PPP2R2B: variants seen among roughly 807,000 people sequenced by gnomAD.
The protein encoded by PPP2R2B is serine/threonine-protein phosphatase 2A 55 kDa regulatory subunit B beta isoform.
In PPP2R2B, 5 loss-of-function variants were observed where a neutral mutation model predicts 46.0. The ratio of observed to expected loss-of-function variants is 0.11; its 90% CI spans 0.06 to 0.23. The LOEUF (loss-of-function observed/expected upper bound fraction) is 0.23. PPP2R2B is among the 10% of genes least tolerant of loss of function. The pLI, the probability that PPP2R2B is intolerant of heterozygous loss-of-function variation, is 1.00. For missense variants in PPP2R2B, 367 were observed against 575.0 expected (o/e 0.64, Z 3.70); for synonymous variants, 215 against 206.7 (o/e 1.04, Z -0.34).
chr5:146,600,334 A>C lies in PPP2R2B; in HGVS notation c.917T>G (p.Val306Gly). The change falls in exon 8 of 10, where the codon GTC (valine) becomes GGC (glycine). Residue 306 changes from valine to glycine, a missense_variant. Coordinates refer to ENST00000394411, the MANE Select transcript of PPP2R2B (RefSeq NM_181675.4). The stretch of plus-strand genomic sequence containing the variant: ...GCGGTTTTCCATGTTGAGATCCCAG[A>C]CTTTGACGGTCAAGTAGTCCCTGGT... ...IMTRDYLTVK[V>G]WDLNMENRPI... 1 of 1,613,820 alleles carries C rather than the reference A, an allele frequency of 6.2e-7. No individual in the cohort carries two copies. Among genetic ancestry groups the C allele is most frequent in the Non-Finnish European group, 8.5e-7 (1 of 1,179,876 alleles).
Position 146,777,895 on chromosome 5 carries a change from G to A in PPP2R2B, c.71-76753C>T, listed in dbSNP as rs116057818. Among the ~76,000 whole-genome samples the A allele has an allele frequency of 7.1e-3, 1,079 of 152,256 alleles. 19 individuals are homozygous for A. Among genetic ancestry groups the A allele is most frequent in the African/African-American group, 0.025 (1,020 of 41,558 alleles). On this transcript the variant is annotated intron_variant, in intron 2 of 9. Transcript: ENST00000394411. ...TCTATAAATGTTTAAAAAGATGAATGCACTGTTACGAGGGAGTAAAATTCC... is the reference window on the plus strand; with the variant it reads ...TCTATAAATGTTTAAAAAGATGAATACACTGTTACGAGGGAGTAAAATTCC...
chr5:146,756,369 T>A (rs1753830377), intron 2 of PPP2R2B, among the ~76,000 whole-genome samples: 1 of 152,194 alleles, frequency 6.6e-6, no homozygotes, highest in Non-Finnish European at 1.5e-5. Context: ...TCCTTTCATA[T>A]GGACACACTA....
At chr5:146,883,323 G>A (rs1274606892), upstream of PPP2R2B, among the ~76,000 whole-genome samples, 1 of 152,202 alleles carries the variant, frequency 6.6e-6, no homozygotes, top group African/African-American at 2.4e-5. Flanking sequence ...TCACTAAAAT[G>A]ACCCTTCTTC....
At chr5:147,059,693 G>A (rs759717456), upstream of PPP2R2B, among the ~76,000 whole-genome samples, 15 of 152,200 alleles carry the variant, frequency 9.9e-5, no homozygotes, top group Non-Finnish European at 1.9e-4. Context: ...CCGCATGTCA[G>A]GTTCTGACAG....
intron 2 of PPP2R2B, among the ~76,000 whole-genome samples, chr5:146,836,242 T>G (rs546214181): frequency 1.3e-5 from 2 of 152,162 alleles, no homozygotes; most frequent in Non-Finnish European, 2.9e-5. Flanking sequence ...AAAAAAATTC[T>G]ACCTCACTCC....
intron 1 of PPP2R2B, among the ~76,000 whole-genome samples, chr5:146,953,984 G>A (rs1009142071): frequency 2.0e-5 from 3 of 152,086 alleles, no homozygotes; most frequent in Non-Finnish European, 2.9e-5. Flanking sequence ...TTCTAAATTG[G>A]GATATGAATA....
intron 2 of PPP2R2B, among the ~76,000 whole-genome samples, chr5:146,820,948 C>A (rs1305262972): frequency 6.6e-6 from 1 of 152,160 alleles, no homozygotes; most frequent in Non-Finnish European, 1.5e-5. Context: ...GCCCTCTGCA[C>A]TGCGCTAGTC....
At chr5:146,900,423 G>A (rs1330325530) in intron 1 of PPP2R2B, among the ~76,000 whole-genome samples, 3 of 152,104 alleles carry the variant, frequency 2.0e-5, no homozygotes, top group African/African-American at 7.2e-5. Flanking sequence ...ATATGTAAAG[G>A]AACATTATGT....
At chr5:146,713,497 G>A (rs1006752466) in intron 2 of PPP2R2B, among the ~76,000 whole-genome samples, 1 of 152,192 alleles carries the variant, frequency 6.6e-6, no homozygotes, top group African/African-American at 2.4e-5. Context: ...AGGGATAGCT[G>A]TTGGAAGGAT....
At chr5:146,733,397 C>G (rs1752347062) in intron 2 of PPP2R2B, among the ~76,000 whole-genome samples, 1 of 152,014 alleles carries the variant, frequency 6.6e-6, no homozygotes, top group Admixed American at 6.6e-5. Context: ...AGCAGATACC[C>G]CAACAGAACT....
At chr5:146,806,648 T>C (rs1400241497) in intron 2 of PPP2R2B, among the ~76,000 whole-genome samples, 3 of 152,176 alleles carry the variant, frequency 2.0e-5, no homozygotes, top group Non-Finnish European at 2.9e-5. Flanking sequence ...TGCTGTGATA[T>C]AATGGAAGGT....
At chr5:146,953,829 T>C (rs894808184) in intron 1 of PPP2R2B, among the ~76,000 whole-genome samples, 31 of 152,302 alleles carry the variant, frequency 2.0e-4, no homozygotes, top group African/African-American at 5.8e-4. Context: ...CAAACTCCTA[T>C]GTAAGAATGC....
intron 2 of PPP2R2B, among the ~76,000 whole-genome samples, chr5:146,824,789 C>T (rs537598074): frequency 2.7e-5 from 4 of 150,290 alleles, no homozygotes; most frequent in African/African-American, 7.4e-5. Context: ...GCAATCTCGG[C>T]TCACTGTAAC....
chr5:146,878,934 C>G, upstream of PPP2R2B: 1 of 1,137,698 alleles, frequency 8.8e-7, no homozygotes, highest in Non-Finnish European at 1.1e-6. This position sits in a 1 kb window ranked among gnomAD's most constrained non-coding sequence, Gnocchi z 4.5. Flanking sequence ...GACTAGCTTG[C>G]AGGTTCAGGT....
At chr5:146,628,774 T>C (rs1774228712) in intron 7 of PPP2R2B, among the ~76,000 whole-genome samples, 1 of 152,218 alleles carries the variant, frequency 6.6e-6, no homozygotes, top group African/African-American at 2.4e-5. Flanking sequence ...TTAAAGTAAC[T>C]AATTAATGGA....
At chr5:146,681,120 C>T (rs1002905826) in intron 5 of PPP2R2B, among the ~76,000 whole-genome samples, 2 of 152,128 alleles carry the variant, frequency 1.3e-5, no homozygotes, top group African/African-American at 4.8e-5. Context: ...TGATCATGTC[C>T]TCTATTGAGT....
chr5:147,035,153 AG>A (rs1422914063), intron 1 of PPP2R2B: 3 of 454,982 alleles, frequency 6.6e-6, no homozygotes, highest in South Asian at 1.5e-5. Flanking sequence ...TATAAAGAAA[AG>A]TTTAATTGAC....
intron 1 of PPP2R2B, among the ~76,000 whole-genome samples, chr5:146,966,526 C>A (rs1409145852): frequency 1.3e-5 from 2 of 152,158 alleles, no homozygotes; most frequent in African/African-American, 4.8e-5. Context: ...AAGGCCCCTC[C>A]CTCAACACTC....
chr5:146,781,162 ATATATATATATAT>A lies in PPP2R2B; in HGVS notation c.71-80033_71-80021del, dbSNP rs1561901611. Among the ~76,000 whole-genome samples the A allele has an allele frequency of 1.7e-5, 2 of 119,200 alleles. 1 individual carries two copies. The highest frequency in any genetic ancestry group is 3.5e-5 in the Non-Finnish European group (2 of 57,568). 78.2% of individuals were successfully genotyped at this position (119,200 alleles called of 152,430 possible). On this transcript the variant is annotated intron_variant, in intron 2 of 9. Coordinates refer to ENST00000394411, the MANE Select transcript of PPP2R2B (RefSeq NM_181675.4). The stretch of plus-strand genomic sequence containing the variant: ...TATATATATATATATATATATATAT[ATATATATATATAT>A]AAAATTATTCTCATGATATAAGTGA...
Sources: allele counts gnomAD v4.1 joint callset (sites outside exome capture counted in the v4.1 genomes callset), GRCh38; gene constraint gnomAD v4.1.1; non-coding constraint Gnocchi (gnomAD v3.1); transcripts MANE v1.5; gene names NCBI Gene and HGNC (gene_info 2026-07-23, HGNC 2026-07-21).